SPTBN5: variants seen among roughly 807,000 people sequenced by gnomAD.
SPTBN5 encodes the protein spectrin beta chain, non-erythrocytic 5.
SPTBN5 carries 513 observed loss-of-function variants against 477.6 expected under a neutral mutation model. The ratio of observed to expected loss-of-function variants is 1.07; its 90% CI spans 1.00 to 1.16. SPTBN5 has a LOEUF of 1.16. Ranked by LOEUF, SPTBN5 falls within the 50% of genes most tolerant of loss-of-function variation. SPTBN5 has a pLI of 0.00. For synonymous variants in SPTBN5, 2,169 were observed against 2,011.7 expected (o/e 1.08, Z -2.09); for missense variants, 5,062 against 4,731.8 (o/e 1.07, Z -2.05).
At chr15:41,870,408 G>C (rs1270058181) in intron 30 of SPTBN5, 38 bp downstream of exon 30, 1 of 1,610,292 alleles carries the variant, frequency 6.2e-7, no homozygotes, top group East Asian at 2.2e-5. Context: ...CACTGAGCCT[G>C]GAGTGTATCC....
In SPTBN5 at chr15:41,893,405, A is replaced by T; in HGVS notation, c.93T>A (p.Ser31Arg). ...ACTGAGAGTCCATGGTGAGACTTGG[A>T]CTGGGCGGGACCCGGAGTTCTGTGC... ...RPSTELRVPP[S>R]PSLTMDSQYE... is the part of the protein sequence containing the mutation. The change falls in exon 2 of 68, where the codon AGT (serine) becomes AGA (arginine). Residue 31 changes from serine (S) to arginine (R), a missense_variant. Ser to Arg is a moderately radical substitution (Grantham distance 110). Transcript: ENST00000320955. The T allele has an allele frequency of 6.2e-7, 1 of 1,613,502 alleles. No individual in the cohort carries two copies. The highest frequency in any genetic ancestry group is 8.5e-7 in the Non-Finnish European group (1 of 1,179,858).
rs2065823655 is a variant in SPTBN5, at chr15:41,853,007, G to C, written c.10171-7C>G. ...CCTGCAGGCACTCTGTCACCTGGTG[G>C]GGAGGGGCTGCTATGGGTGACAGCT... is the stretch of plus-strand genomic sequence containing the variant. On this transcript the variant is annotated splice_region_variant and splice_polypyrimidine_tract_variant and intron_variant, in intron 59 of 67. Coordinates refer to ENST00000320955, the MANE Select transcript of SPTBN5 (RefSeq NM_016642.4). 2 of 1,516,666 alleles carry C rather than the reference G, an allele frequency of 1.3e-6. No homozygotes were observed. Among genetic ancestry groups the C allele is most frequent in the Non-Finnish European group, 1.8e-6 (2 of 1,130,666 alleles). 94.0% of individuals were successfully genotyped at this position (1,516,666 alleles called of 1,614,324 possible). A position where few individuals can be genotyped will look rare whatever the true frequency, so the allele number is the denominator to read the frequency against.
At chr15:41,853,074 CAAGTGTTAATGG>C in intron 59 of SPTBN5, 74 bp from the exon 60 acceptor site, 1 of 1,450,810 alleles carries the variant, frequency 6.9e-7, no homozygotes, top group South Asian at 1.4e-5. Flanking sequence ...GCTGGAGAGC[CAAGTGTTAATGG>C]AAGTGCAGAG....
At chr15:41,855,116 C>A in intron 55 of SPTBN5, 108 bp downstream of exon 55, 1 of 1,443,032 alleles carries the variant, frequency 6.9e-7, no homozygotes. Context: ...CCCTAGGACA[C>A]CCTCTCCAGG....
At chr15:41,871,734 A>G in intron 28 of SPTBN5, 48 bp downstream of exon 28, 1 of 1,479,336 alleles carries the variant, frequency 6.8e-7, no homozygotes, top group South Asian at 1.4e-5. Flanking sequence ...TCCCCACCCC[A>G]TAGGCTCTGC....
intron 17 of SPTBN5, 76 bp from the exon 18 acceptor site, chr15:41,877,432 G>T: frequency 1.3e-6 from 2 of 1,522,998 alleles, no homozygotes; most frequent in Non-Finnish European, 1.8e-6. Context: ...CACCTCCAGG[G>T]TTCACGCATC....
At chr15:41,879,895 G>A (rs139696266) in intron 14 of SPTBN5, 31 bp from the exon 15 acceptor site, 53 of 1,612,846 alleles carry the variant, frequency 3.3e-5, no homozygotes, top group African/African-American at 1.7e-4. Context: ...GCCCTCTTGG[G>A]GGACTTTTTC....
rs747496546 is a variant in SPTBN5 at position 41,876,284 on chromosome 15, C to T, written c.3952G>A (p.Glu1318Lys). 1.3e-6 allele frequency: 2 copies of T among 1,559,432 alleles called. No homozygotes were observed. The change falls in exon 21 of 68, where the codon GAG becomes AAG. Residue 1318 changes from glutamate (E) to lysine (K), a missense_variant and splice_region_variant. By Grantham distance (56) the Glu-to-Lys change is moderately conservative (BLOSUM62 1). Coordinates refer to ENST00000320955, the MANE Select transcript of SPTBN5 (RefSeq NM_016642.4). ...RQLLASLQLQ[E>K]WKQDVAELMQ... The stretch of plus-strand genomic sequence containing the variant: ...AGCTCTGCCACATCCTGCTTCCACT[C>T]CTGCCAAGAACCAGGCGAGAGTGGG...
intron 41 of SPTBN5, among the ~76,000 whole-genome samples, chr15:41,863,395 A>G (rs1305895916): frequency 2.6e-5 from 4 of 152,130 alleles, no homozygotes; most frequent in Non-Finnish European, 1.5e-5. Flanking sequence ...TTCCTCAGGG[A>G]TGGGAGGAAA....
At chr15:41,867,360 C>A (rs1252753087) in intron 35 of SPTBN5, among the ~76,000 whole-genome samples, 178 bp downstream of exon 35, 4 of 152,240 alleles carry the variant, frequency 2.6e-5, no homozygotes, top group Middle Eastern at 3.4e-3. Flanking sequence ...CCCATCTCCC[C>A]CTGGGCCCTC....
At chr15:41,876,513 G>A (rs1040364216) in intron 20 of SPTBN5, 35 bp downstream of exon 20, 2 of 1,539,642 alleles carry the variant, frequency 1.3e-6, no homozygotes, top group African/African-American at 2.7e-5. Context: ...TTTCTTTTCA[G>A]GGAGGCGTCA....
Position 41,881,248 on chromosome 15 carries a change from G to A in SPTBN5, c.2458-14C>T. 1 of 1,591,402 alleles carries A rather than the reference G, an allele frequency of 6.3e-7. No individual in the cohort carries two copies. The highest frequency in any genetic ancestry group is 8.5e-7 in the Non-Finnish European group (1 of 1,169,894). ...GGCAGAGTTCACCTGTGTGACAAAG[G>A]GCAGCGCGTCTACAGGCGACCCCAT... is the stretch of plus-strand genomic sequence containing the variant. On this transcript the variant is annotated splice_polypyrimidine_tract_variant and intron_variant, in intron 12 of 67. Transcript: ENST00000320955.
chr15:41,852,372 C>A, intron 61 of SPTBN5, 56 bp from the exon 62 acceptor site: 1 of 1,504,510 alleles, frequency 6.6e-7, no homozygotes, highest in Non-Finnish European at 8.9e-7. Context: ...CCAGCCACAC[C>A]TCAGGTTCCC....
chr15:41,893,334 A>G lies in SPTBN5; in HGVS notation c.164T>C (p.Met55Thr), dbSNP rs1567237844. ...CCACTTGGTGAAAGTCTTCTCCTGC[A>G]TCTGCATGTGCCGGGCCTGTAGCTT... is the stretch of plus-strand genomic sequence containing the variant. The part of the protein sequence containing the change: ...IRKLQARHMQ[M>T]QEKTFTKWIN... Residue 55 changes from methionine (M) to threonine (T), a missense_variant, in exon 2 of 68, where the codon ATG (methionine) becomes ACG (threonine). Coordinates refer to ENST00000320955, the MANE Select transcript of SPTBN5 (RefSeq NM_016642.4). 1.2e-6 allele frequency: 2 copies of G among 1,614,044 alleles called. No individual in the cohort carries two copies. The highest frequency in any genetic ancestry group is 2.2e-5 in the South Asian group (2 of 91,088).
chr15:41,881,956 C>T lies in SPTBN5; in HGVS notation c.2437G>A (p.Ala813Thr), dbSNP rs1252203600. Reference protein sequence around the residue: ...RLEEQGRAASARASLFTVNSA... With the variant: ...RLEEQGRAASTRASLFTVNSA... ...CTCACCGTGAATAACGACGCCCGGG[C>T]CGAGGCCGCCCGCCCCTGCTCCTCC... Residue 813 changes from alanine to threonine, a missense_variant, in exon 12 of 68, where the codon GCC (alanine) becomes ACC (threonine). By Grantham distance (58) the Ala-to-Thr change is moderately conservative. Transcript: ENST00000320955. The T allele has an allele frequency of 2.6e-6, 4 of 1,528,350 alleles. No homozygotes were observed. The highest frequency in any genetic ancestry group is 5.1e-5 in the East Asian group (2 of 39,194). 94.7% of individuals were successfully genotyped at this position (1,528,350 alleles called of 1,614,324 possible). A position where few individuals can be genotyped will look rare whatever the true frequency, so the allele number is the denominator to read the frequency against.
chr15:41,865,596 C>T (rs1294741154), intron 39 of SPTBN5, among the ~76,000 whole-genome samples: 1 of 152,244 alleles, frequency 6.6e-6, no homozygotes, highest in African/African-American at 2.4e-5. Context: ...CCTGCCACCA[C>T]ACACGTGCTC....
chr15:41,870,100 T>C, intron 31 of SPTBN5, 80 bp from the exon 32 acceptor site: 15 of 1,449,352 alleles, frequency 1.0e-5, no homozygotes, highest in African/African-American at 1.4e-5. Flanking sequence ...GCCTGGGAAC[T>C]CTGGCCCCCT....
chr15:41,890,122 C>G lies in SPTBN5; in HGVS notation c.468G>C (p.Leu156=). 6.2e-7 allele frequency: 1 copy of G among 1,612,990 alleles called. No individual in the cohort carries two copies. The highest frequency in any genetic ancestry group is 8.5e-7 in the Non-Finnish European group (1 of 1,179,526). ...AGGAGATGTGGGAGATCTGGAAACG[C>G]AGAATGATGACCCAGATGAGTCCCA... ...LILGLIWVII[L]RFQISHISLD... The change falls in exon 4 of 68, where the codon CTG becomes CTC. Residue 156 remains leucine (L), a synonymous_variant. Transcript: ENST00000320955.
chr15:41,877,428 C>T (rs1276623624), intron 17 of SPTBN5, 72 bp from the exon 18 acceptor site: 2 of 1,536,150 alleles, frequency 1.3e-6, no homozygotes, highest in Non-Finnish European at 1.8e-6. Flanking sequence ...CTCTCACCTC[C>T]AGGGTTCACG....
Sources: gnomAD v4.1 joint callset for allele counts (sites outside exome capture counted in the v4.1 genomes callset) on GRCh38, gnomAD v4.1.1 for gene constraint, MANE v1.5 for transcripts, NCBI Gene and HGNC (gene_info 2026-07-23, HGNC 2026-07-21) for gene names.